COL17A1: variants seen among roughly 807,000 people sequenced by gnomAD.
The protein encoded by COL17A1 is collagen type XVII alpha 1 chain.
Under a neutral mutation model 218.4 loss-of-function variants are expected in COL17A1, and 181 were observed. That is an observed-to-expected ratio of 0.83 (90% CI 0.73 to 0.94). The LOEUF (loss-of-function observed/expected upper bound fraction) is 0.94, where lower values mean the gene tolerates loss of function less well. COL17A1 is among the 40% of genes least tolerant of loss of function. The probability of loss-of-function intolerance (pLI) is 0.00; values close to 1 mark genes in which losing one functional copy is unlikely to be tolerated. For synonymous variants in COL17A1, 721 were observed against 731.0 expected (o/e 0.99, Z 0.22); for missense variants, 1,924 against 1,945.9 (o/e 0.99, Z 0.21).
At chr10:104,036,420 G>C in intron 48 of COL17A1, 72 bp downstream of exon 48, 2 of 1,600,998 alleles carry the variant, frequency 1.2e-6, no homozygotes, top group Non-Finnish European at 1.7e-6. Context: ...CAATCACAGG[G>C]AAGTTCACGC....
At chr10:104,034,981 A>G (rs2086261105) in intron 50 of COL17A1, among the ~76,000 whole-genome samples, 1 of 152,134 alleles carries the variant, frequency 6.6e-6, no homozygotes, top group Non-Finnish European at 1.5e-5. Flanking sequence ...CCCACTCCCA[A>G]TTCTGAGCCT....
chr10:104,064,019 A>G (rs891535784), intron 10 of COL17A1, among the ~76,000 whole-genome samples: 5 of 152,234 alleles, frequency 3.3e-5, no homozygotes, highest in African/African-American at 1.2e-4. Flanking sequence ...GGTCACAGCC[A>G]ACAGGTGATC....
chr10:104,076,611 G>A (rs2086713040), intron 4 of COL17A1, among the ~76,000 whole-genome samples, 182 bp from the exon 5 acceptor site: 1 of 152,176 alleles, frequency 6.6e-6, no homozygotes, highest in Admixed American at 6.5e-5. Context: ...ATTATTGCCT[G>A]GGAACGTCCT....
chr10:104,037,624 G>A lies in COL17A1; in HGVS notation c.3208+12C>T. On this transcript the variant is annotated intron_variant, in intron 46 of 55. Transcript: ENST00000648076. ...GGAAGGTGCCAGGTGCAGGGCGTGG[G>A]GAAGGGCTTACTCCGTAAGTAGCTC... is the stretch of plus-strand genomic sequence containing the variant. The A allele has an allele frequency of 6.2e-7, 1 of 1,614,100 alleles. No individual in the cohort carries two copies. Among genetic ancestry groups the A allele is most frequent in the Non-Finnish European group, 8.5e-7 (1 of 1,180,004 alleles).
At position 104,034,759 on chromosome 10, in the gene COL17A1, A is replaced by G; in HGVS notation, c.3628T>C (p.Leu1210=). The change falls in exon 51 of 56, where the codon TTG becomes CTG. Residue 1210 remains leucine (L), a synonymous_variant. Transcript: ENST00000648076. ...DLSSYLHTAG[L]SFIPGPPGPP... ...CCTGGAGGGCCTGGGATGAATGACA[A>G]GCCGGCAGCTGGGCAGAAGGAAGAG... The G allele has an allele frequency of 1.2e-6, 2 of 1,612,514 alleles. No homozygotes were observed. The highest frequency in any genetic ancestry group is 1.7e-6 in the Non-Finnish European group (2 of 1,179,722).
chr10:104,063,436 GC>G, intron 11 of COL17A1: 2 of 389,362 alleles, frequency 5.1e-6, no homozygotes, highest in Non-Finnish European at 9.7e-6. Context: ...AATTAACAAT[GC>G]CTTTACCCTG....
chr10:104,073,314 G>A, intron 6 of COL17A1, 69 bp from the exon 7 acceptor site: 1 of 1,405,070 alleles, frequency 7.1e-7, no homozygotes, highest in Non-Finnish European at 1.0e-6. Flanking sequence ...TTGACATGGA[G>A]GCAGATATAT....
intron 46 of COL17A1, 111 bp downstream of exon 46, chr10:104,037,525 C>T: frequency 7.3e-7 from 1 of 1,362,660 alleles, no homozygotes; most frequent in Non-Finnish European, 1.0e-6. Context: ...AATTAAAACT[C>T]ATGTTCCAGA....
At position 104,037,935 on chromosome 10, in the gene COL17A1, TA is replaced by T. The variant is rs61382109; in HGVS notation, c.3071-163del. On this transcript the variant is annotated intron_variant, in intron 45 of 55. Transcript: ENST00000648076. ...AGACTTCCCCTCACTGTCCTTCCCC[TA>T]AATTACAGATGGAGAAACTGAGGCA... 0.99 allele frequency among the ~76,000 whole-genome samples: 150,451 copies of T among 152,294 alleles called. 74,331 individuals are homozygous for T. The highest frequency in any genetic ancestry group is 1 in the Middle Eastern group (294 of 294).
At chr10:104,051,630 G>C (rs2086470930) in intron 24 of COL17A1, 114 bp from the exon 25 acceptor site, 1 of 1,339,330 alleles carries the variant, frequency 7.5e-7, no homozygotes, top group Non-Finnish European at 1.1e-6. Context: ...TGAGGGCTGT[G>C]TGAGTGTATT....
chr10:104,034,873 A>C (rs926364989), intron 50 of COL17A1, 106 bp from the exon 51 acceptor site: 2 of 1,407,424 alleles, frequency 1.4e-6, no homozygotes, highest in Non-Finnish European at 1.9e-6. Flanking sequence ...GGAGGGGATG[A>C]GGCTGGGCCT....
chr10:104,078,462 G>A, intron 3 of COL17A1, 80 bp downstream of exon 3: 3 of 1,591,802 alleles, frequency 1.9e-6, no homozygotes, highest in Admixed American at 1.7e-5. Context: ...AAATTTTGGA[G>A]CTCCCATGGA....
chr10:104,062,364 A>G, intron 11 of COL17A1, 35 bp from the exon 12 acceptor site: 1 of 1,614,140 alleles, frequency 6.2e-7, no homozygotes, highest in Non-Finnish European at 8.5e-7. Context: ...GAGTACAGGG[A>G]GCACGGGGGA....
chr10:104,073,834 T>A (rs2086687461), intron 6 of COL17A1: 2 of 329,462 alleles, frequency 6.1e-6, no homozygotes, highest in Non-Finnish European at 1.2e-5. Context: ...TGTGTTCTAC[T>A]CGCTGCTCTG....
At chr10:104,075,366 T>C (rs1338528873) in intron 5 of COL17A1, among the ~76,000 whole-genome samples, 2 of 152,092 alleles carry the variant, frequency 1.3e-5, no homozygotes, top group Non-Finnish European at 2.9e-5. Context: ...TAATTCCCTG[T>C]TTCAGTTGTT....
rs2086470716 is a variant in COL17A1, at chr10:104,051,604, G to A, written c.2003-88C>T. The A allele has an allele frequency of 7.8e-6, 12 of 1,529,600 alleles. No individual in the cohort carries two copies. In the South Asian group the frequency reaches 9.2e-5, roughly 12 times the overall value. 94.8% of individuals were successfully genotyped at this position (1,529,600 alleles called of 1,614,324 possible). Reference sequence around the variant, plus strand: ...CGGTGCAGGGCAGGTGGGGGTTAGGGACGCTGTCTTCCAGGTGAGGGCTGT... The same window carrying A: ...CGGTGCAGGGCAGGTGGGGGTTAGGAACGCTGTCTTCCAGGTGAGGGCTGT... On this transcript the variant is annotated intron_variant, in intron 24 of 55. Transcript: ENST00000648076.
In COL17A1 at chr10:104,050,654, C is replaced by T. The variant is rs1158512561; in HGVS notation, c.2095G>A (p.Asp699Asn). 2 of 1,613,824 alleles carry T rather than the reference C, an allele frequency of 1.2e-6. No individual in the cohort carries two copies. Among genetic ancestry groups the T allele is most frequent in the East Asian group, 2.2e-5 (1 of 44,886 alleles). Residue 699 changes from aspartate to asparagine, a missense_variant and splice_region_variant, in exon 27 of 56, where the codon GAC (aspartate) becomes AAC (asparagine). Coordinates refer to ENST00000648076, the MANE Select transcript of COL17A1 (RefSeq NM_000494.4). ...CCTGGTGGTCCCATTGGTCCTTTGT[C>T]ACCTAAAAAGGAAATGGACACCTTG... is the stretch of plus-strand genomic sequence containing the variant. ...GEVGLPGVKG[D>N]KGPMGPPGPK... is the part of the protein sequence containing the mutation.
chr10:104,037,444 C>T (rs186532766), intron 46 of COL17A1, among the ~76,000 whole-genome samples, 192 bp downstream of exon 46: 3 of 152,306 alleles, frequency 2.0e-5, no homozygotes, highest in East Asian at 3.9e-4. Context: ...GTCTCTCCAG[C>T]GTGGCCGCCC....
In COL17A1 at chr10:104,052,159, G is replaced by A. The variant is rs750484753; in HGVS notation, c.1998C>T (p.Pro666=). The change falls in exon 24 of 56, where the codon CCC becomes CCT. Residue 666 remains proline, a synonymous_variant. Transcript: ENST00000648076. The part of the protein sequence containing the change: ...GPPGVPGSVG[P]KGSSGSPGPQ... ...CTTCCTGCACACTGGACTTACCTTTGGGACCCACAGAACCTGGGACACCAG... is the reference window on the plus strand; with the variant it reads ...CTTCCTGCACACTGGACTTACCTTTAGGACCCACAGAACCTGGGACACCAG... 1 of 1,614,094 alleles carries A rather than the reference G, an allele frequency of 6.2e-7. No homozygotes were observed. Among genetic ancestry groups the A allele is most frequent in the Non-Finnish European group, 8.5e-7 (1 of 1,179,998 alleles).
Sources: gnomAD v4.1 joint callset for allele counts (sites outside exome capture counted in the v4.1 genomes callset) on GRCh38, gnomAD v4.1.1 for gene constraint, MANE v1.5 for transcripts, NCBI Gene and HGNC (gene_info 2026-07-23, HGNC 2026-07-21) for gene names.